LSM14B: variants seen among roughly 807,000 people sequenced by gnomAD.
LSM14B encodes the protein LSM family member 14B.
In LSM14B, 8 loss-of-function variants were observed where a neutral mutation model predicts 42.1. That is an observed-to-expected ratio of 0.19 (90% CI 0.11 to 0.34). The LOEUF (loss-of-function observed/expected upper bound fraction) is 0.34. LSM14B is among the 10% of genes least tolerant of loss of function. LSM14B has a pLI of 1.00. For synonymous variants in LSM14B, 219 were observed against 209.7 expected (o/e 1.04, Z -0.38); for missense variants, 396 against 513.1 (o/e 0.77, Z 2.21).
chr20:62,133,137 C>T (rs539663253), intron 7 of LSM14B, among the ~76,000 whole-genome samples, 153 bp from the exon 8 acceptor site: 18 of 152,300 alleles, frequency 1.2e-4, no homozygotes, highest in Middle Eastern at 3.4e-3. Context: ...CCTGCAGTGC[C>T]GGAGCTGGGC....
chr20:62,122,813 C>G lies in LSM14B; in HGVS notation c.127+20C>G. 1 of 1,480,826 alleles carries G rather than the reference C, an allele frequency of 6.8e-7. No homozygotes were observed. The highest frequency in any genetic ancestry group is 9.0e-7 in the Non-Finnish European group (1 of 1,105,776). The allele number at this position is 1,480,826 out of a possible 1,614,324, so 91.7% of individuals were successfully genotyped here. A position where few individuals can be genotyped will look rare whatever the true frequency, so the allele number is the denominator to read the frequency against. On this transcript the variant is annotated intron_variant, in intron 1 of 8. Coordinates refer to ENST00000279068, the MANE Select transcript of LSM14B (RefSeq NM_144703.3). The surrounding 1 kb of genome is among the most constrained non-coding windows in gnomAD (Gnocchi z 4.6). ...CCAAAGGTAGCGGCCGCCGCCCGCC[C>G]GAGCCCGCTGACCCCCGTCCGCCAA... is the stretch of plus-strand genomic sequence containing the variant.
In LSM14B at chr20:62,130,718, C is replaced by T; in HGVS notation, c.835+27C>T. 1 of 1,607,664 alleles carries T rather than the reference C, an allele frequency of 6.2e-7. No homozygotes were observed. The highest frequency in any genetic ancestry group is 1.1e-5 in the South Asian group (1 of 90,756). On this transcript the variant is annotated intron_variant, in intron 6 of 8. Transcript: ENST00000279068. This position sits in a 1 kb window ranked among gnomAD's most constrained non-coding sequence, Gnocchi z 4.1. ...TTTGGCTCATTATATGAAAATTATT[C>T]TCTGCACAGGAGTACCCCTAGAGAG... is the stretch of plus-strand genomic sequence containing the variant.
chr20:62,124,517 G>C, intron 1 of LSM14B, 100 bp from the exon 2 acceptor site: 2 of 1,318,088 alleles, frequency 1.5e-6, no homozygotes, highest in South Asian at 1.4e-5. Context: ...GTGGCTCTGA[G>C]CAAGTGTCGC....
chr20:62,133,191 G>A (rs1021953855), intron 7 of LSM14B, 99 bp from the exon 8 acceptor site: 65 of 1,440,960 alleles, frequency 4.5e-5, no homozygotes, highest in Non-Finnish European at 6.1e-5. Context: ...TGGCCCTGGT[G>A]AGTCTGTCCC....
At chr20:62,123,078 G>C (rs1399026905) in intron 1 of LSM14B, 1 of 170,416 alleles carries the variant, frequency 5.9e-6, no homozygotes, top group African/African-American at 2.4e-5. Context: ...GCGGTGTTTG[G>C]TGAGGGGCGG....
intron 3 of LSM14B, 58 bp downstream of exon 3, chr20:62,126,497 A>AG: frequency 6.3e-7 from 1 of 1,581,860 alleles, no homozygotes; most frequent in Non-Finnish European, 8.6e-7. Flanking sequence ...CACTGAGTGG[A>AG]GCGATGGAGC....
In LSM14B at chr20:62,124,737, C is replaced by T. The variant is rs1331430437; in HGVS notation, c.248C>T (p.Pro83Leu). The T allele has an allele frequency of 1.9e-6, 3 of 1,613,636 alleles. No individual in the cohort carries two copies. Among genetic ancestry groups the T allele is most frequent in the Non-Finnish European group, 2.5e-6 (3 of 1,179,836 alleles). ...DIKDITVCEP[P>L]KAQHTLPQDP... ...AAGGATATCACTGTGTGTGAACCTC[C>T]GAAAGCTCAGCACACACTCCCGCAG... is the stretch of plus-strand genomic sequence containing the variant. The change falls in exon 2 of 9, where the codon CCG becomes CTG. Residue 83 changes from proline to leucine, a missense_variant. By Grantham distance (98) the Pro-to-Leu change is moderately conservative (BLOSUM62 -3). Coordinates refer to ENST00000279068, the MANE Select transcript of LSM14B (RefSeq NM_144703.3).
rs1025122479 is a variant in LSM14B, at chr20:62,122,657, G to C, written c.-10G>C. 12 of 1,415,916 alleles carry C rather than the reference G, an allele frequency of 8.5e-6. No homozygotes were observed. The African/African-American group carries it at 1.5e-4, about 18-fold the overall frequency. 87.7% of individuals were successfully genotyped at this position (1,415,916 alleles called of 1,614,324 possible). On this transcript the variant is annotated 5_prime_UTR_variant, in exon 1 of 9. Transcript: ENST00000279068. The surrounding 1 kb of genome is among the most constrained non-coding windows in gnomAD (Gnocchi z 4.6). ...TCCCCACCGCGGCCCGACGCACCCC[G>C]GCCGCCGCCATGAGCGGCTCCTCAG...
chr20:62,134,063 T>C, intron 8 of LSM14B, 100 bp from the exon 9 acceptor site: 1 of 367,882 alleles, frequency 2.7e-6, no homozygotes. Context: ...CCAGTCTGAC[T>C]CTGGGGGCAG....
chr20:62,131,343 C>T lies in LSM14B; in HGVS notation c.836-13C>T, dbSNP rs779624722. 8 of 1,580,086 alleles carry T rather than the reference C, an allele frequency of 5.1e-6. No homozygotes were observed. The African/African-American group carries it at 9.5e-5, about 19-fold the overall frequency. On this transcript the variant is annotated splice_polypyrimidine_tract_variant and intron_variant, in intron 6 of 8. Coordinates refer to ENST00000279068, the MANE Select transcript of LSM14B (RefSeq NM_144703.3). ...CCCTCCTCCATCTCCACGTGTTCTG[C>T]TTCTTTTTGTAGATGACAAGGCTGA...
At chr20:62,123,017 A>G (rs969737263) in intron 1 of LSM14B, 42 of 264,162 alleles carry the variant, frequency 1.6e-4, no homozygotes, top group African/African-American at 8.6e-4. Flanking sequence ...AGCCGGCCGC[A>G]CAATGGTCTC....
Position 62,134,421 on chromosome 20 carries a change from T to A in LSM14B, c.*273T>A, listed in dbSNP as rs1192633145. 1 of 380,206 alleles carries A rather than the reference T, an allele frequency of 2.6e-6. No individual in the cohort carries two copies. The highest frequency in any genetic ancestry group is 5.4e-6 in the Non-Finnish European group (1 of 186,420). The allele number at this position is 380,206 out of a possible 1,614,324, so 23.6% of individuals were successfully genotyped here. A position where few individuals can be genotyped will look rare whatever the true frequency, so the allele number is the denominator to read the frequency against. ...TTGCGCATAGCCTAATTCTAAGGTTTTGGTATTTTGCAAAAAGGTTTCTAT... is the reference window on the plus strand; with the variant it reads ...TTGCGCATAGCCTAATTCTAAGGTTATGGTATTTTGCAAAAAGGTTTCTAT... On this transcript the variant is annotated 3_prime_UTR_variant, in exon 9 of 9. Coordinates refer to ENST00000279068, the MANE Select transcript of LSM14B (RefSeq NM_144703.3).
chr20:62,126,438 A>G lies in LSM14B; in HGVS notation c.426A>G (p.Leu142=). Residue 142 remains leucine (L), a splice_region_variant and synonymous_variant, in exon 3 of 9, where the codon CTA becomes CTG. Coordinates refer to ENST00000279068, the MANE Select transcript of LSM14B (RefSeq NM_144703.3). ...AGCAGTATGCCGCCTCCCTGGGTCT[A>G]GGTGAGTGACCTGTTTCTGTCTGGT... ...LSQQYAASLG[L]GAGFPSIPVG... is the part of the protein sequence containing the mutation. 1 of 1,607,938 alleles carries G rather than the reference A, an allele frequency of 6.2e-7. No individual in the cohort carries two copies. Among genetic ancestry groups the G allele is most frequent in the Non-Finnish European group, 8.5e-7 (1 of 1,179,714 alleles).
intron 3 of LSM14B, among the ~76,000 whole-genome samples, chr20:62,127,081 G>C (rs1183065605): frequency 6.6e-6 from 1 of 152,204 alleles, no homozygotes; most frequent in Non-Finnish European, 1.5e-5. Flanking sequence ...ATGAAGTCTA[G>C]CTGTTTGCAC....
Position 62,131,782 on chromosome 20 carries a change from C to T in LSM14B, c.986+276C>T, listed in dbSNP as rs994658173. On this transcript the variant is annotated intron_variant, in intron 7 of 8. Transcript: ENST00000279068. ...AAAGGCTGGGCTGCACCGCCCCCCC[C>T]GGCAGACCCGTGTCCACATTCAGCA... is the stretch of plus-strand genomic sequence containing the variant. Among the ~76,000 whole-genome samples, 4 of 152,344 alleles carry T rather than the reference C, an allele frequency of 2.6e-5. No individual in the cohort carries two copies. The South Asian group carries it at 8.3e-4, about 32-fold the overall frequency.
In LSM14B at chr20:62,133,444, G is replaced by A. The variant is rs1431841353; in HGVS notation, c.1141G>A (p.Gly381Arg). Residue 381 changes from glycine (G) to arginine (R), a missense_variant, in exon 8 of 9, where the codon GGG becomes AGG. Gly to Arg is a moderately radical substitution (Grantham distance 125). Coordinates refer to ENST00000279068, the MANE Select transcript of LSM14B (RefSeq NM_144703.3). ...TRRNPTSHRA[G>R]TGRV ...TCGCAACCCCACTTCCCACAGGGCC[G>A]GGACTGGCAGGGTGTGAGGGTGCAG... The A allele has an allele frequency of 4.3e-6, 7 of 1,612,696 alleles. No homozygotes were observed. The highest frequency in any genetic ancestry group is 1.7e-6 in the Non-Finnish European group (2 of 1,179,498).
In LSM14B at chr20:62,130,667, T is replaced by G; in HGVS notation, c.811T>G (p.Phe271Val). 6.2e-7 allele frequency: 1 copy of G among 1,613,678 alleles called. No homozygotes were observed. Among genetic ancestry groups the G allele is most frequent in the Non-Finnish European group, 8.5e-7 (1 of 1,179,814 alleles). Residue 271 changes from phenylalanine (F) to valine (V), a missense_variant, in exon 6 of 9, where the codon TTT becomes GTT. Coordinates refer to ENST00000279068, the MANE Select transcript of LSM14B (RefSeq NM_144703.3). This position sits in a 1 kb window ranked among gnomAD's most constrained non-coding sequence, Gnocchi z 4.1. ...CAACCGAGAGGAGCTTGACAAAGAA[T>G]TTAAGAAGAAACTGAATTTTAAAGG... is the stretch of plus-strand genomic sequence containing the variant. ...QFNREELDKE[F>V]KKKLNFKDDK...
intron 1 of LSM14B, among the ~76,000 whole-genome samples, chr20:62,123,823 C>T (rs2056496628): frequency 6.6e-6 from 1 of 152,210 alleles, no homozygotes; most frequent in Non-Finnish European, 1.5e-5. Context: ...TCCTGCGTGG[C>T]TTCAGGAGCT....
At chr20:62,132,159 A>G (rs2056786765) in intron 7 of LSM14B, among the ~76,000 whole-genome samples, 1 of 152,214 alleles carries the variant, frequency 6.6e-6, no homozygotes, top group Non-Finnish European at 1.5e-5. Context: ...GAAAAATAGA[A>G]CAGCATGTCG....
Sources: gnomAD v4.1 joint callset for allele counts (sites outside exome capture counted in the v4.1 genomes callset) on GRCh38, gnomAD v4.1.1 for gene constraint, Gnocchi (gnomAD v3.1) non-coding constraint, MANE v1.5 for transcripts, NCBI Gene and HGNC (gene_info 2026-07-23, HGNC 2026-07-21) for gene names.